The following TINAG variants were observed in gnomAD, a reference collection of about 807,000 sequenced individuals.
TINAG encodes tubulointerstitial nephritis antigen.
Under a neutral mutation model 72.7 loss-of-function variants are expected in TINAG, and 83 were observed. That is an observed-to-expected ratio of 1.14 (90% CI 0.96 to 1.37). The LOEUF is 1.37. Ranked by LOEUF, TINAG falls within the 40% of genes most tolerant of loss-of-function variation. The pLI is 0.00. For synonymous variants in TINAG, 234 were observed against 189.9 expected (o/e 1.23, Z -1.91); for missense variants, 685 against 576.6 (o/e 1.19, Z -1.93).
chr6:54,348,584 T>G (rs1024774370), intron 6 of TINAG, among the ~76,000 whole-genome samples: 2 of 152,072 alleles, frequency 1.3e-5, no homozygotes, highest in Non-Finnish European at 2.9e-5. Flanking sequence ...TCTCACAGTG[T>G]CCTTACATGA....
intron 4 of TINAG, among the ~76,000 whole-genome samples, chr6:54,337,500 C>A (rs1317189192): frequency 2.0e-5 from 3 of 152,012 alleles, no homozygotes; most frequent in African/African-American, 7.2e-5. Context: ...GTGATCCGCC[C>A]GCTTCGGCCT....
intron 3 of TINAG, among the ~76,000 whole-genome samples, chr6:54,325,575 C>T (rs1053585815): frequency 3.9e-5 from 6 of 152,076 alleles, no homozygotes; most frequent in Non-Finnish European, 4.4e-5. Flanking sequence ...ATAAACTCTA[C>T]TATTTCCTAT....
chr6:54,341,024 C>T (rs892815606), intron 4 of TINAG, among the ~76,000 whole-genome samples: 23 of 151,960 alleles, frequency 1.5e-4, no homozygotes, highest in African/African-American at 5.6e-4. Context: ...AATAACCCAA[C>T]CCTGCTGAAT....
intron 1 of TINAG, among the ~76,000 whole-genome samples, chr6:54,318,969 C>T (rs1335751575): frequency 6.6e-6 from 1 of 152,068 alleles, no homozygotes; most frequent in Non-Finnish European, 1.5e-5. Context: ...TTTTTGTTAA[C>T]ATTAAATTTA....
rs1285313039 is a variant in TINAG, at chr6:54,347,550, T to A, written c.899+33T>A. 1.9e-6 allele frequency: 3 copies of A among 1,606,818 alleles called. No homozygotes were observed. In the African/African-American group the frequency reaches 4.0e-5, roughly 22 times the overall value. On this transcript the variant is annotated intron_variant, in intron 6 of 10. Transcript: ENST00000259782. ...GCTGCTCAACATGTGTTTCTAGGAT[T>A]TTTATGAATGATGCATTGTGTTAGA...
intron 1 of TINAG, among the ~76,000 whole-genome samples, chr6:54,318,864 T>C (rs1562147703): frequency 6.6e-6 from 1 of 152,158 alleles, no homozygotes; most frequent in Non-Finnish European, 1.5e-5. Context: ...TTATGGCTTT[T>C]GCTCAAGAGA....
intron 9 of TINAG, among the ~76,000 whole-genome samples, chr6:54,361,290 A>G (rs772203363): frequency 5.9e-5 from 9 of 151,676 alleles, no homozygotes; most frequent in Non-Finnish European, 1.3e-4. Context: ...ACACTGCTAT[A>G]AAGAACTACC....
Position 54,322,307 on chromosome 6 carries a change from C to CA in TINAG, c.509+928dup, listed in dbSNP as rs1174625268. On this transcript the variant is annotated intron_variant, in intron 3 of 10. Coordinates refer to ENST00000259782, the MANE Select transcript of TINAG (RefSeq NM_014464.4). ...TGGGAATCGGGGGGTGAAACCCTGTCAAAAAAACAAAACAAAACAAACAAA... is the reference window on the plus strand; with the variant it reads ...TGGGAATCGGGGGGTGAAACCCTGTCAAAAAAAACAAAACAAAACAAACAAA... Among the ~76,000 whole-genome samples the CA allele has an allele frequency of 1.6e-4, 23 of 146,474 alleles. No individual in the cohort carries two copies. The East Asian group carries it at 2.4e-3, about 15-fold the overall frequency.
intron 1 of TINAG, among the ~76,000 whole-genome samples, chr6:54,316,775 C>T (rs1211061301): frequency 6.6e-6 from 1 of 151,968 alleles, no homozygotes; most frequent in Non-Finnish European, 1.5e-5. Context: ...TTTTGCAGTT[C>T]AAGAAGTGAA....
intron 5 of TINAG, among the ~76,000 whole-genome samples, chr6:54,346,528 G>GTA (rs571900537): frequency 1.3e-5 from 2 of 151,006 alleles, no homozygotes; most frequent in Admixed American, 1.3e-4. Context: ...CTATTAGATT[G>GTA]TATATATATA....
intron 4 of TINAG, among the ~76,000 whole-genome samples, chr6:54,332,971 A>T (rs968189151): frequency 6.6e-6 from 1 of 152,132 alleles, no homozygotes; most frequent in Non-Finnish European, 1.5e-5. Context: ...GAAACAACAG[A>T]TGCTGGAGAG....
chr6:54,371,711 T>C (rs1763613573), intron 9 of TINAG, among the ~76,000 whole-genome samples: 1 of 152,102 alleles, frequency 6.6e-6, no homozygotes, highest in Non-Finnish European at 1.5e-5. Flanking sequence ...TCTTAGATAA[T>C]GTGATTCTAT....
intron 4 of TINAG, among the ~76,000 whole-genome samples, chr6:54,335,460 C>T (rs1410825554): frequency 2.6e-5 from 4 of 152,028 alleles, no homozygotes; most frequent in South Asian, 2.1e-4. Flanking sequence ...ATTACACTTA[C>T]GATGTAAGTC....
intron 7 of TINAG, among the ~76,000 whole-genome samples, chr6:54,350,709 G>A (rs963482698): frequency 2.0e-5 from 3 of 148,766 alleles, no homozygotes; most frequent in Admixed American, 6.8e-5. Flanking sequence ...TCTCTGTGAC[G>A]TTTTCCTTGA....
intron 9 of TINAG, chr6:54,367,021 C>G (rs1040405479): frequency 1.3e-5 from 2 of 151,664 alleles, no homozygotes; most frequent in Non-Finnish European, 3.0e-5. Context: ...TGGAGCCTAT[C>G]CTGGCTTTCT....
intron 4 of TINAG, among the ~76,000 whole-genome samples, chr6:54,329,312 C>T (rs1398657511): frequency 1.3e-5 from 2 of 151,990 alleles, no homozygotes; most frequent in East Asian, 3.9e-4. Flanking sequence ...AGAGTGGGGG[C>T]CAATATTCAA....
At chr6:54,310,388 T>A (rs1784212694) in intron 1 of TINAG, among the ~76,000 whole-genome samples, 1 of 151,956 alleles carries the variant, frequency 6.6e-6, no homozygotes, top group Non-Finnish European at 1.5e-5. Context: ...TCCTAGACTT[T>A]CCTTCCTTTC....
rs560222291 is a variant in TINAG, at chr6:54,366,288, G to C, written c.1250+11652G>C. ...TGTGTGTGTGTGTGTGAAAAGGAAA[G>C]ATACAGTGTCAAGATTCCTCAAAGT... On this transcript the variant is annotated intron_variant, in intron 9 of 10. Transcript: ENST00000259782. 3.5e-4 allele frequency among the ~76,000 whole-genome samples: 53 copies of C among 151,272 alleles called. No homozygotes were observed. In the South Asian group the frequency reaches 0.011, roughly 31 times the overall value.
Position 54,326,920 on chromosome 6 carries a change from A to G in TINAG, c.624+4A>G. The stretch of plus-strand genomic sequence containing the variant: ...CCTGAGCATGAATGAAATGACAGTA[A>G]GTGTTCCTTCTGATTCACGTATGTG... On this transcript the variant is annotated splice_donor_region_variant and intron_variant, in intron 4 of 10. Coordinates refer to ENST00000259782, the MANE Select transcript of TINAG (RefSeq NM_014464.4). 5 of 1,613,162 alleles carry G rather than the reference A, an allele frequency of 3.1e-6. No individual in the cohort carries two copies. Among genetic ancestry groups the G allele is most frequent in the Non-Finnish European group, 4.2e-6 (5 of 1,179,806 alleles).
Sources: gnomAD v4.1 joint callset for allele counts (sites outside exome capture counted in the v4.1 genomes callset) on GRCh38, gnomAD v4.1.1 for gene constraint, MANE v1.5 for transcripts, NCBI Gene and HGNC (gene_info 2026-07-23, HGNC 2026-07-21) for gene names.